The following PCDH15 variants were observed in gnomAD, a reference collection of about 807,000 sequenced individuals.
The protein encoded by PCDH15 is protocadherin related 15, also known as protocadherin-15.
A neutral mutation model predicts 178.5 loss-of-function variants in PCDH15; 129 were observed. That is an observed-to-expected ratio of 0.72 (90% CI 0.63 to 0.84). PCDH15 has a LOEUF of 0.84. Among genes scored for constraint, PCDH15 ranks in the 40% least tolerant of loss-of-function variants. The probability of loss-of-function intolerance (pLI) is 0.00; values close to 1 mark genes in which losing one functional copy is unlikely to be tolerated. For missense variants in PCDH15, 2,230 were observed against 2,099.9 expected, an observed-to-expected ratio of 1.06 and a Z score of -1.21; for synonymous variants, 800 against 732.0, an observed-to-expected ratio of 1.09 and a Z score of -1.50.
At chr10:53,991,205 T>C (rs2091456036) in intron 21 of PCDH15, among the ~76,000 whole-genome samples, 3 of 152,212 alleles carry the variant, frequency 2.0e-5, no homozygotes, top group Admixed American at 2.0e-4. Flanking sequence ...GGGCGCGCGG[T>C]GCGGGACTGG....
Position 54,870,511 on chromosome 10 carries a change from C to A in PCDH15, c.-29+26939G>T, listed in dbSNP as rs1161340598. Among the ~76,000 whole-genome samples the A allele has an allele frequency of 9.9e-5, 15 of 152,178 alleles. No homozygotes were observed. In the East Asian group the frequency reaches 1.9e-3, roughly 20 times the overall value. Reference sequence around the variant, plus strand: ...CAAAATTCCACATAAAAAGACCGGGCGCGGTGGCTCACGCCTGTAATCCTA... The same window carrying A: ...CAAAATTCCACATAAAAAGACCGGGAGCGGTGGCTCACGCCTGTAATCCTA... On this transcript the variant is annotated intron_variant, in intron 3 of 5. Transcript: ENST00000458638.
At chr10:54,253,378 CT>C (rs1231232909) in intron 8 of PCDH15, among the ~76,000 whole-genome samples, 2 of 151,960 alleles carry the variant, frequency 1.3e-5, no homozygotes, top group African/African-American at 4.8e-5. Context: ...ACTAATAGCA[CT>C]ATCTGTCACT....
chr10:54,437,322 C>G (rs2075488723), intron 3 of PCDH15, among the ~76,000 whole-genome samples: 1 of 152,072 alleles, frequency 6.6e-6, no homozygotes, highest in Non-Finnish European at 1.5e-5. Flanking sequence ...GTAGAACATT[C>G]AGCCAAGATG....
rs760104397 is a variant in PCDH15 at position 54,664,209 on chromosome 10, G to T, written c.54C>A (p.Gly18=). ...GGCCCAAGCAGATTTCAAAGAGAGA[G>T]CCCAGGATGATCCCTGAAGCTAAAC... is the stretch of plus-strand genomic sequence containing the variant. ...WTCLASGIIL[G]SLFEICLGQY... The change falls in exon 2 of 38, where the codon GGC becomes GGA. Residue 18 remains glycine (G), a synonymous_variant. Coordinates refer to ENST00000644397, the MANE Select transcript of PCDH15 (RefSeq NM_001384140.1). 6 of 1,612,042 alleles carry T rather than the reference G, an allele frequency of 3.7e-6. No homozygotes were observed. The Admixed American group carries it at 5.0e-5, about 13-fold the overall frequency.
Position 54,843,122 on chromosome 10 carries a change from C to T in PCDH15, c.-29+54328G>A, listed in dbSNP as rs139557072. 3.5e-3 allele frequency among the ~76,000 whole-genome samples: 525 copies of T among 151,974 alleles called. 2 individuals are homozygous for T. Among genetic ancestry groups the T allele is most frequent in the Middle Eastern group, 0.01 (3 of 294 alleles). On this transcript the variant is annotated intron_variant, in intron 3 of 5. Transcript: ENST00000458638. ...ACCCTCAGCAGTATCTCAGCAGTAT[C>T]CAGAAAGCCCTTAAAAGTCAATCTT...
chr10:54,032,311 GTT>G (rs1280344044), intron 18 of PCDH15, among the ~76,000 whole-genome samples: 10 of 151,672 alleles, frequency 6.6e-5, no homozygotes, highest in Non-Finnish European at 1.2e-4. Flanking sequence ...CTCATTGTAT[GTT>G]TCTTTACCAC....
intron 7 of PCDH15, among the ~76,000 whole-genome samples, chr10:54,320,607 A>G (rs1405449405): frequency 6.6e-6 from 1 of 152,066 alleles, no homozygotes; most frequent in East Asian, 1.9e-4. Flanking sequence ...TAGCTCATCA[A>G]ACTTGCCACT....
chr10:55,158,363 T>C (rs1775838505), intron 2 of PCDH15, among the ~76,000 whole-genome samples: 1 of 151,828 alleles, frequency 6.6e-6, no homozygotes, highest in Admixed American at 6.6e-5. Context: ...AGAAGTAAAG[T>C]GGTAGGTGGG....
chr10:54,783,663 C>T (rs1225929832), intron 1 of PCDH15, among the ~76,000 whole-genome samples: 1 of 151,922 alleles, frequency 6.6e-6, no homozygotes, highest in Non-Finnish European at 1.5e-5. Context: ...TAGATTCAAC[C>T]CAGAGGGTTT....
At position 55,499,404 on chromosome 10, in the gene PCDH15, TACACACACACACACACACACACACACAC is replaced by T. The variant is rs200878607; in HGVS notation, c.-156+128193_-156+128220del. On this transcript the variant is annotated intron_variant, in intron 2 of 5. Transcript: ENST00000613346. ...CTATCTTCTTTTTATAGACTCTCCCTACACACACACACACACACACACACACACACACACACACACACACACACAAATA... is the reference window on the plus strand; with the variant it reads ...CTATCTTCTTTTTATAGACTCTCCCTACACACACACACACACACACAAATA... Among the ~76,000 whole-genome samples, 3 of 136,314 alleles carry T rather than the reference TACACACACACACACACACACACACACAC, an allele frequency of 2.2e-5. No homozygotes were observed. The Admixed American group carries it at 2.2e-4, about 10-fold the overall frequency. 89.4% of individuals were successfully genotyped at this position (136,314 alleles called of 152,430 possible).
intron 1 of PCDH15, among the ~76,000 whole-genome samples, chr10:55,189,449 A>G (rs1839884110): frequency 6.6e-6 from 1 of 151,870 alleles, no homozygotes; most frequent in Non-Finnish European, 1.5e-5. Flanking sequence ...ATTTCTTGCT[A>G]TAGAGATAAT....
At position 54,572,572 on chromosome 10, in the gene PCDH15, T is replaced by C. The variant is rs537278993; in HGVS notation, c.92-44695A>G. 1.1e-4 allele frequency among the ~76,000 whole-genome samples: 16 copies of C among 152,246 alleles called. 1 individual carries two copies. In the South Asian group the frequency reaches 1.4e-3, roughly 14 times the overall value. On this transcript the variant is annotated intron_variant, in intron 2 of 37. Transcript: ENST00000644397. ...TTGTCAAGTTCTCTTTAAATTTGAG[T>C]GGAGGCAAATTCCTGAAGATCAAGC...
intron 34 of PCDH15, among the ~76,000 whole-genome samples, chr10:53,817,262 C>A (rs16937774): frequency 0.18 from 27,458 of 152,036 alleles, 3,505 homozygotes; most frequent in East Asian, 0.66. Context: ...AAACTAGGTT[C>A]GCAGTGACTT....
chr10:53,906,931 A>G (rs894533762), intron 25 of PCDH15: 6 of 152,070 alleles, frequency 3.9e-5, no homozygotes, highest in African/African-American at 1.4e-4. Flanking sequence ...AGGAGAAGTC[A>G]CCAGATTATC....
chr10:55,096,097 A>ACAAAAC (rs1160203886), intron 2 of PCDH15, among the ~76,000 whole-genome samples: 2 of 152,110 alleles, frequency 1.3e-5, no homozygotes, highest in East Asian at 3.9e-4. Flanking sequence ...AAAAACAAAA[A>ACAAAAC]CAAATACAAT....
chr10:54,392,021 C>T (rs976722945), intron 3 of PCDH15, among the ~76,000 whole-genome samples: 1 of 152,054 alleles, frequency 6.6e-6, no homozygotes, highest in African/African-American at 2.4e-5. Context: ...TGGTACTGGA[C>T]ATTGTTTAGT....
chr10:55,087,927 G>A (rs921918637), intron 2 of PCDH15, among the ~76,000 whole-genome samples: 1 of 151,998 alleles, frequency 6.6e-6, no homozygotes, highest in Non-Finnish European at 1.5e-5. Context: ...AAGATTTATA[G>A]ATATTACTAA....
chr10:54,117,590 G>A (rs911688996), intron 15 of PCDH15, among the ~76,000 whole-genome samples: 4 of 152,098 alleles, frequency 2.6e-5, no homozygotes, highest in African/African-American at 9.7e-5. Context: ...GGAAGAATGA[G>A]GTACATAGAC....
chr10:54,826,302 G>A (rs1953131483), intron 3 of PCDH15, among the ~76,000 whole-genome samples: 1 of 151,838 alleles, frequency 6.6e-6, no homozygotes, highest in South Asian at 2.1e-4. Context: ...TTGCTTTGTG[G>A]AAATTCTTCC....
Sources: gnomAD v4.1 joint callset for allele counts (sites outside exome capture counted in the v4.1 genomes callset) on GRCh38, gnomAD v4.1.1 for gene constraint, MANE v1.5 for transcripts, NCBI Gene and HGNC (gene_info 2026-07-23, HGNC 2026-07-21) for gene names.